ITK: variants seen among roughly 807,000 people sequenced by gnomAD.
ITK encodes tyrosine-protein kinase ITK/TSK.
A neutral mutation model predicts 87.6 loss-of-function variants in ITK; 45 were observed. The observed-to-expected ratio is 0.51, with a 90% CI of 0.40 to 0.66. The LOEUF (loss-of-function observed/expected upper bound fraction) is 0.66. ITK is among the 30% of genes least tolerant of loss of function. The probability of loss-of-function intolerance (pLI) is 0.00; values close to 1 mark genes in which losing one functional copy is unlikely to be tolerated. For missense variants in ITK, 605 were observed against 766.3 expected (o/e 0.79, Z 2.48); for synonymous variants, 303 against 273.6 (o/e 1.11, Z -1.06).
chr5:157,232,379 A>T lies in ITK; in HGVS notation c.753A>T (p.Lys251Asn), dbSNP rs1754675136. 1 of 1,610,140 alleles carries T rather than the reference A, an allele frequency of 6.2e-7. No individual in the cohort carries two copies. Among genetic ancestry groups the T allele is most frequent in the Non-Finnish European group, 8.5e-7 (1 of 1,176,888 alleles). Residue 251 changes from lysine (K) to asparagine (N), a missense_variant, in exon 8 of 17, where the codon AAA becomes AAT. Lys to Asn is a moderately conservative substitution (Grantham distance 94). Transcript: ENST00000422843. ...GTATCAGCCGAGACAAAGCTGAAAA[A>T]CTTCTTTTGGACACAGTAAGTCTCC... ...NKSISRDKAE[K>N]LLLDTGKEGA...
intron 5 of ITK, among the ~76,000 whole-genome samples, chr5:157,218,250 A>G (rs1342719040): frequency 6.6e-6 from 1 of 152,144 alleles, no homozygotes; most frequent in Non-Finnish European, 1.5e-5. Flanking sequence ...CACGTCTGTA[A>G]TCCCAGCACT....
At chr5:157,191,532 T>C (rs1363472857) in intron 1 of ITK, among the ~76,000 whole-genome samples, 3 of 152,240 alleles carry the variant, frequency 2.0e-5, no homozygotes, top group Non-Finnish European at 2.9e-5. Context: ...CAATTTACTA[T>C]CTGTGTCAGC....
At chr5:157,246,641 T>C (rs1280726651) in intron 15 of ITK, among the ~76,000 whole-genome samples, 1 of 152,088 alleles carries the variant, frequency 6.6e-6, no homozygotes, top group East Asian at 1.9e-4. Flanking sequence ...GTGACTAGGA[T>C]AGAGAGAGGG....
intron 5 of ITK, 138 bp from the exon 6 acceptor site, chr5:157,222,725 T>C (rs1754444304): frequency 2.6e-6 from 2 of 771,044 alleles, no homozygotes; most frequent in Non-Finnish European, 2.2e-6. Flanking sequence ...CTTTGTGTCA[T>C]GTTCAGCGCT....
In ITK at chr5:157,253,130, G is replaced by A. The variant is rs1755176720; in HGVS notation, c.*452G>A. The A allele has an allele frequency of 3.3e-6, 1 of 301,670 alleles. No individual in the cohort carries two copies. The highest frequency in any genetic ancestry group is 2.1e-5 in the African/African-American group (1 of 48,322). The allele number at this position is 301,670 out of a possible 1,614,324, so 18.7% of individuals were successfully genotyped here. A position where few individuals can be genotyped will look rare whatever the true frequency, so the allele number is the denominator to read the frequency against. On this transcript the variant is annotated 3_prime_UTR_variant, in exon 17 of 17. Transcript: ENST00000422843. ...GTATCCCAGGATATGGAGGCAAGGGGAACAAAGAGCATGAGTCTTTTTCCA... is the reference window on the plus strand; with the variant it reads ...GTATCCCAGGATATGGAGGCAAGGGAAACAAAGAGCATGAGTCTTTTTCCA...
chr5:157,228,400 A>G (rs1329699654), intron 7 of ITK, 39 bp downstream of exon 7: 4 of 1,172,560 alleles, frequency 3.4e-6, no homozygotes, highest in Non-Finnish European at 5.1e-6. Flanking sequence ...TACAGTCCTA[A>G]GGAATCCTCC....
chr5:157,201,176 T>A (rs1020399273), intron 1 of ITK, among the ~76,000 whole-genome samples: 1 of 151,752 alleles, frequency 6.6e-6, no homozygotes, highest in African/African-American at 2.4e-5. Flanking sequence ...CCCAGTACAC[T>A]AATAGAAAAA....
chr5:157,191,734 T>A (rs1753756874), intron 1 of ITK, among the ~76,000 whole-genome samples: 1 of 152,224 alleles, frequency 6.6e-6, no homozygotes, highest in Non-Finnish European at 1.5e-5. Flanking sequence ...AAGAACATGC[T>A]TATCTATTTT....
chr5:157,243,840 C>A, intron 12 of ITK, 46 bp downstream of exon 12: 1 of 1,570,592 alleles, frequency 6.4e-7, no homozygotes, highest in Non-Finnish European at 8.8e-7. Flanking sequence ...GGGGGAACAT[C>A]GGTTCAGTGT....
At chr5:157,197,943 C>T (rs1753883945) in intron 1 of ITK, among the ~76,000 whole-genome samples, 2 of 151,988 alleles carry the variant, frequency 1.3e-5, no homozygotes, top group African/African-American at 2.4e-5. Context: ...TGTATTTATT[C>T]ATTTTAGTTA....
intron 2 of ITK, among the ~76,000 whole-genome samples, chr5:157,209,805 G>T (rs977135395): frequency 3.3e-5 from 5 of 152,142 alleles, no homozygotes; most frequent in African/African-American, 1.2e-4. Flanking sequence ...TGTATTAAAC[G>T]ATATTAAAAA....
chr5:157,218,402 C>G (rs1432352382), intron 5 of ITK, among the ~76,000 whole-genome samples: 1 of 150,592 alleles, frequency 6.6e-6, no homozygotes, highest in Non-Finnish European at 1.5e-5. Flanking sequence ...AGCTACTTAG[C>G]AAGCTGAGGT....
At position 157,246,017 on chromosome 5, in the gene ITK, C is replaced by A. The variant is rs1317317442; in HGVS notation, c.1633+18C>A. On this transcript the variant is annotated intron_variant, in intron 15 of 16. Transcript: ENST00000422843. Reference sequence around the variant, plus strand: ...GTCATTTGGTGAGTGTCATGCTGGGCCCCACTGCCCCATGATCTGGGCTTC... The same window carrying A: ...GTCATTTGGTGAGTGTCATGCTGGGACCCACTGCCCCATGATCTGGGCTTC... 1.3e-6 allele frequency: 2 copies of A among 1,511,884 alleles called. No homozygotes were observed. Among genetic ancestry groups the A allele is most frequent in the Non-Finnish European group, 1.8e-6 (2 of 1,087,134 alleles). 93.7% of individuals were successfully genotyped at this position (1,511,884 alleles called of 1,614,324 possible).
rs1442820736 is a variant in ITK, at chr5:157,244,418, T to C, written c.1389T>C (p.Cys463=). 2.5e-6 allele frequency: 4 copies of C among 1,613,964 alleles called. No individual in the cohort carries two copies. Among genetic ancestry groups the C allele is most frequent in the Non-Finnish European group, 2.5e-6 (3 of 1,179,968 alleles). The change falls in exon 13 of 17, where the codon TGT becomes TGC. Residue 463 remains cysteine, a synonymous_variant. Transcript: ENST00000422843. ...CTGCAGAGACCCTGCTGGGCATGTGTCTGGATGTGTGTGAGGGCATGGCCT... is the reference window on the plus strand; with the variant it reads ...CTGCAGAGACCCTGCTGGGCATGTGCCTGGATGTGTGTGAGGGCATGGCCT... The part of the protein sequence containing the change: ...LFAAETLLGM[C]LDVCEGMAYL...
chr5:157,189,871 A>T (rs1418442764), intron 1 of ITK, among the ~76,000 whole-genome samples: 1 of 152,202 alleles, frequency 6.6e-6, no homozygotes, highest in Non-Finnish European at 1.5e-5. Context: ...CTAATAATAC[A>T]TTCCTCCCAT....
rs774957675 is a variant in ITK at position 157,253,639 on chromosome 5, GA to G, written c.*962del. The G allele has an allele frequency of 2.6e-4, 58 of 227,038 alleles. No individual in the cohort carries two copies. Among genetic ancestry groups the G allele is most frequent in the Non-Finnish European group, 4.3e-4 (49 of 114,222 alleles). 14.1% of individuals were successfully genotyped at this position (227,038 alleles called of 1,614,324 possible). On this transcript the variant is annotated 3_prime_UTR_variant, in exon 17 of 17. Transcript: ENST00000422843. ...TCAGCCCCCCCTCTCTGCACTATCC[GA>G]TCCTCATCAACAGAGGGCAGCATTG...
At chr5:157,220,323 A>G (rs1754389691) in intron 5 of ITK, among the ~76,000 whole-genome samples, 1 of 152,176 alleles carries the variant, frequency 6.6e-6, no homozygotes, top group East Asian at 1.9e-4. Flanking sequence ...ATCACATTGA[A>G]GTACAAATTC....
chr5:157,217,800 G>A (rs1381616292), intron 4 of ITK, 67 bp from the exon 5 acceptor site: 8 of 1,416,824 alleles, frequency 5.6e-6, no homozygotes, highest in Admixed American at 1.7e-5. Flanking sequence ...CCCCCTGGCT[G>A]CTCACTTCCG....
chr5:157,182,035 C>A (rs904659363), intron 1 of ITK, among the ~76,000 whole-genome samples: 4 of 152,334 alleles, frequency 2.6e-5, no homozygotes, highest in Middle Eastern at 6.8e-3. Context: ...AAATAACAAC[C>A]TTCAAGATCC....
Sources: allele counts gnomAD v4.1 joint callset (sites outside exome capture counted in the v4.1 genomes callset), GRCh38; gene constraint gnomAD v4.1.1; transcripts MANE v1.5; gene names NCBI Gene and HGNC (gene_info 2026-07-23, HGNC 2026-07-21).